INSC: variants seen among roughly 807,000 people sequenced by gnomAD.
INSC encodes INSC spindle orientation adaptor protein.
A neutral mutation model predicts 58.6 loss-of-function variants in INSC; 67 were observed. That is an observed-to-expected ratio of 1.14 (90% CI 0.94 to 1.40). The LOEUF (loss-of-function observed/expected upper bound fraction) is 1.40. Among genes scored for constraint, INSC ranks in the 40% most tolerant of loss-of-function variants. The pLI is 0.00. For synonymous variants in INSC, 262 were observed against 276.1 expected (o/e 0.95, Z 0.51); for missense variants, 714 against 692.0 (o/e 1.03, Z -0.36).
chr11:15,180,702 G>GA (rs1849747400), intron 5 of INSC, among the ~76,000 whole-genome samples: 1 of 105,322 alleles, frequency 9.5e-6, no homozygotes, highest in African/African-American at 3.8e-5. Context: ...GGCGGGGGGG[G>GA]GTGGTGGCCA....
At position 15,225,653 on chromosome 11, in the gene INSC, T is replaced by A. The variant is rs1295320658; in HGVS notation, c.995T>A (p.Leu332Gln). 4.3e-6 allele frequency: 7 copies of A among 1,613,880 alleles called. No individual in the cohort carries two copies. Among genetic ancestry groups the A allele is most frequent in the Non-Finnish European group, 5.9e-6 (7 of 1,179,874 alleles). Residue 332 changes from leucine to glutamine, a missense_variant, in exon 9 of 13, where the codon CTG (leucine) becomes CAG (glutamine). Transcript: ENST00000379556. ...TTTCTTTCTCTTTGCCATCCAGAAC[T>A]GTGCCAAGAGGCCTCATCAGGGGAA... The part of the protein sequence containing the change: ...MEEIVTALVK[L>Q]CQEASSGEVF...
chr11:15,113,106 CTTTTCT>C (rs1462909626), upstream of INSC, among the ~76,000 whole-genome samples: 6 of 131,916 alleles, frequency 4.5e-5, no homozygotes, highest in Non-Finnish European at 8.4e-5. Context: ...CTCTTTCTTT[CTTTTCT>C]CTCTCTCTCT....
At chr11:15,201,398 C>T (rs918652152) in intron 7 of INSC, among the ~76,000 whole-genome samples, 1 of 152,152 alleles carries the variant, frequency 6.6e-6, no homozygotes, top group Non-Finnish European at 1.5e-5. Context: ...GGGCTCCTCT[C>T]CACTAAAGAC....
At chr11:15,142,436 T>C in intron 1 of INSC, among the ~76,000 whole-genome samples, 1 of 152,234 alleles carries the variant, frequency 6.6e-6, no homozygotes, top group East Asian at 1.9e-4. Flanking sequence ...TAGCCTCCTT[T>C]CCATCCTCTG....
the INSC span, among the ~76,000 whole-genome samples, chr11:15,252,851 A>G: frequency 6.6e-6 from 1 of 152,234 alleles, no homozygotes; most frequent in Admixed American, 6.5e-5. Flanking sequence ...CTACTTTACT[A>G]GTCACATTCA....
the INSC span, among the ~76,000 whole-genome samples, chr11:15,256,647 G>A: frequency 1.3e-5 from 2 of 151,970 alleles, no homozygotes; most frequent in African/African-American, 2.4e-5. Context: ...CCACCACCAC[G>A]CCCAGCTAAT....
intron 4 of INSC, among the ~76,000 whole-genome samples, chr11:15,177,586 C>G (rs1849616830): frequency 6.6e-6 from 1 of 152,162 alleles, no homozygotes; most frequent in Non-Finnish European, 1.5e-5. Context: ...TAAACACATG[C>G]TTGGACCAGC....
At chr11:15,116,877 C>CT (rs1554900122) in intron 1 of INSC, among the ~76,000 whole-genome samples, 1 of 25,042 alleles carries the variant, frequency 4.0e-5, no homozygotes, top group African/African-American at 1.8e-4. Flanking sequence ...CTCTCTCTCT[C>CT]CCCCTCCCTC....
chr11:15,224,509 A>G (rs1039078685), intron 8 of INSC, among the ~76,000 whole-genome samples: 1 of 152,214 alleles, frequency 6.6e-6, no homozygotes, highest in Non-Finnish European at 1.5e-5. Context: ...TTTGTCTCCC[A>G]AACTTTCTTT....
chr11:15,115,678 ATATGG>A (rs2133669848), intron 1 of INSC, among the ~76,000 whole-genome samples: 1 of 152,286 alleles, frequency 6.6e-6, no homozygotes, highest in African/African-American at 2.4e-5. Context: ...TGAGTGGACC[ATATGG>A]CCATGGCCAC....
upstream of INSC, among the ~76,000 whole-genome samples, chr11:15,113,205 T>C (rs1211192450): frequency 6.8e-6 from 1 of 147,622 alleles, no homozygotes; most frequent in Admixed American, 6.8e-5. Flanking sequence ...CAGGCTGATG[T>C]GCAGTGGCAC....
At position 15,175,930 on chromosome 11, in the gene INSC, G is replaced by T. The variant is rs749588902; in HGVS notation, c.246G>T (p.Trp82Cys). 1.2e-6 allele frequency: 2 copies of T among 1,614,194 alleles called. No individual in the cohort carries two copies. The highest frequency in any genetic ancestry group is 3.3e-5 in the Admixed American group (2 of 60,036). ...TGCAGCTGCTGCTCAAACGGGGTTGGGTCATTAGCACAGAGCTGCGCAGGA... is the reference window on the plus strand; with the variant it reads ...TGCAGCTGCTGCTCAAACGGGGTTGTGTCATTAGCACAGAGCTGCGCAGGA... ...DPLQLLLKRG[W>C]VISTELRRIG... is the part of the protein sequence containing the mutation. Residue 82 changes from tryptophan (W) to cysteine (C), a missense_variant, in exon 3 of 13, where the codon TGG becomes TGT. Physicochemically the swap from Trp to Cys is radical, Grantham distance 215. Transcript: ENST00000379556.
rs1032398012 is a variant in INSC at position 15,232,340 on chromosome 11, C to T, written c.1171-3262C>T. Among the ~76,000 whole-genome samples the T allele has an allele frequency of 2.6e-5, 4 of 152,112 alleles. No homozygotes were observed. In the East Asian group the frequency reaches 5.8e-4, roughly 22 times the overall value. Reference sequence around the variant, plus strand: ...TCCTTTCAGGTTCTCCTGCCCAGAGCGAGCCATATTTATTTTATTTAACAA... The same window carrying T: ...TCCTTTCAGGTTCTCCTGCCCAGAGTGAGCCATATTTATTTTATTTAACAA... On this transcript the variant is annotated intron_variant, in intron 9 of 12. Transcript: ENST00000379556.
At chr11:15,140,662 T>C (rs1206066677) in intron 1 of INSC, among the ~76,000 whole-genome samples, 1 of 151,840 alleles carries the variant, frequency 6.6e-6, no homozygotes, top group African/African-American at 2.4e-5. Context: ...CACTGTAACC[T>C]TAAATTCCTG....
At chr11:15,208,110 G>A (rs1337645879) in intron 7 of INSC, among the ~76,000 whole-genome samples, 1 of 152,090 alleles carries the variant, frequency 6.6e-6, no homozygotes, top group Non-Finnish European at 1.5e-5. Flanking sequence ...GTGAATGCAA[G>A]GCAAAAAAAT....
chr11:15,262,169 C>A, the INSC span, among the ~76,000 whole-genome samples: 3 of 152,038 alleles, frequency 2.0e-5, no homozygotes, highest in African/African-American at 7.2e-5. Context: ...GGGCAAGGTG[C>A]CTGGAGCTTC....
chr11:15,183,968 A>G (rs979802385), intron 5 of INSC, among the ~76,000 whole-genome samples: 1 of 152,200 alleles, frequency 6.6e-6, no homozygotes, highest in African/African-American at 2.4e-5. Context: ...TGCTAATTAG[A>G]TTTAAGCAGT....
At chr11:15,171,910 G>T (rs978837935) in intron 2 of INSC, among the ~76,000 whole-genome samples, 1 of 152,146 alleles carries the variant, frequency 6.6e-6, no homozygotes, top group African/African-American at 2.4e-5. Flanking sequence ...GCTTAGTTCA[G>T]AAGCCCACCG....
chr11:15,210,286 G>T (rs904457317), intron 7 of INSC, among the ~76,000 whole-genome samples: 4 of 145,924 alleles, frequency 2.7e-5, no homozygotes, highest in Non-Finnish European at 5.9e-5. Context: ...AGTTCTGCTG[G>T]TATCCTGTGG....
Sources: gnomAD v4.1 joint callset for allele counts (sites outside exome capture counted in the v4.1 genomes callset) on GRCh38, gnomAD v4.1.1 for gene constraint, MANE v1.5 for transcripts, NCBI Gene and HGNC (gene_info 2026-07-23, HGNC 2026-07-21) for gene names.